The following PHACTR2 variants were observed in gnomAD, a reference collection of about 807,000 sequenced individuals.
The protein encoded by PHACTR2 is chromosome 6 open reading frame 56.
Under a neutral mutation model 76.0 loss-of-function variants are expected in PHACTR2, and 30 were observed. The observed-to-expected ratio is 0.39, with a 90% CI of 0.30 to 0.54. The LOEUF (loss-of-function observed/expected upper bound fraction) is 0.54, where lower values mean the gene tolerates loss of function less well. Among genes scored for constraint, PHACTR2 ranks in the 20% least tolerant of loss-of-function variants. PHACTR2 has a pLI of 0.61. For synonymous variants in PHACTR2, 292 were observed against 292.5 expected (o/e 1.00, Z 0.02); for missense variants, 696 against 781.1 (o/e 0.89, Z 1.30).
rs1777797007 is a variant in PHACTR2 at position 143,697,351 on chromosome 6, A to G, written c.47-14665A>G. 6.6e-6 allele frequency among the ~76,000 whole-genome samples: 1 copy of G among 152,254 alleles called. No homozygotes were observed. ...GGAGAAAGAAGGTTAAGACTGAAGA[A>G]AAATCTGAGATGAGAAAGAAGGAAA... On this transcript the variant is annotated intron_variant, in intron 1 of 12. Coordinates refer to ENST00000440869, the MANE Select transcript of PHACTR2 (RefSeq NM_001100164.2). The surrounding 1 kb of genome is among the most constrained non-coding windows in gnomAD (Gnocchi z 4.4).
chr6:143,736,601 G>T (rs947523818), intron 2 of PHACTR2, among the ~76,000 whole-genome samples: 1 of 94,924 alleles, frequency 1.1e-5, no homozygotes, highest in African/African-American at 4.2e-5. Context: ...TTGAGACGGA[G>T]CCTTGCTCTG....
chr6:143,614,393 T>G (rs957015058), intron 1 of PHACTR2, among the ~76,000 whole-genome samples: 1 of 152,212 alleles, frequency 6.6e-6, no homozygotes, highest in African/African-American at 2.4e-5. Context: ...AATGCACTGT[T>G]AAGATCCCTT....
Position 143,678,617 on chromosome 6 carries a change from G to A in PHACTR2, c.46+408G>A, listed in dbSNP as rs1777311307. Among the ~76,000 whole-genome samples the A allele has an allele frequency of 6.6e-6, 1 of 152,216 alleles. No homozygotes were observed. The highest frequency in any genetic ancestry group is 1.5e-5 in the Non-Finnish European group (1 of 68,038). ...ACAGACTAGGACTGAATGCTTTCAA[G>A]CTTGTCAACTGATTTATGGTTTGTT... On this transcript the variant is annotated intron_variant, in intron 1 of 12. Transcript: ENST00000440869. The surrounding 1 kb of genome is among the most constrained non-coding windows in gnomAD (Gnocchi z 6.2).
intron 1 of PHACTR2, among the ~76,000 whole-genome samples, chr6:143,638,017 CA>C (rs1432480995): frequency 9.2e-5 from 14 of 152,208 alleles, no homozygotes; most frequent in African/African-American, 3.4e-4. Flanking sequence ...ACAAAGCTTT[CA>C]TGTCAATTTC....
intron 1 of PHACTR2, among the ~76,000 whole-genome samples, chr6:143,707,219 A>T (rs1778075106): frequency 1.3e-5 from 2 of 152,272 alleles, no homozygotes; most frequent in African/African-American, 4.8e-5. Context: ...AAGGAAATAG[A>T]GTTTGATATC....
rs202069880 is a variant in PHACTR2, at chr6:143,760,448, C to G, written c.502C>G (p.Pro168Ala). Residue 168 changes from proline to alanine, a missense_variant, in exon 5 of 13, where the codon CCT becomes GCT. By Grantham distance (27) the Pro-to-Ala change is conservative. Coordinates refer to ENST00000440869, the MANE Select transcript of PHACTR2 (RefSeq NM_001100164.2). This position sits in a 1 kb window ranked among gnomAD's most constrained non-coding sequence, Gnocchi z 6.4. ...SETPAAPALP[P>A]SAPPKPRPKP... is the part of the protein sequence containing the mutation. ...AACACCGGCAGCTCCTGCTCTACCT[C>G]CTTCTGCTCCTCCTAAGCCTAGACC... The G allele has an allele frequency of 1.9e-4, 305 of 1,613,480 alleles. No individual in the cohort carries two copies. The highest frequency in any genetic ancestry group is 2.4e-4 in the Non-Finnish European group (286 of 1,179,596).
chr6:143,666,503 C>A (rs1329952509), intron 1 of PHACTR2, among the ~76,000 whole-genome samples: 2 of 152,134 alleles, frequency 1.3e-5, no homozygotes, highest in East Asian at 3.9e-4. Flanking sequence ...AACAGTGTAA[C>A]AGCATTCCCA....
upstream of PHACTR2, among the ~76,000 whole-genome samples, chr6:143,675,473 C>T (rs1362598875): frequency 1.3e-5 from 2 of 152,116 alleles, no homozygotes; most frequent in East Asian, 1.9e-4. The surrounding 1 kb of genome is among the most constrained non-coding windows in gnomAD (Gnocchi z 4.9). Flanking sequence ...TGGTTGAAGG[C>T]CTGTAGAATA....
At chr6:143,607,199 C>A (rs1166667999), upstream of PHACTR2, among the ~76,000 whole-genome samples, 16 of 152,134 alleles carry the variant, frequency 1.1e-4, 1 homozygote, top group Admixed American at 9.2e-4. Context: ...GTATAAAAGA[C>A]CTGGAGAGCC....
rs184770465 is a variant in PHACTR2, at chr6:143,801,017, A to G, written c.1846-6040A>G. 6.0e-4 allele frequency among the ~76,000 whole-genome samples: 91 copies of G among 152,296 alleles called. No individual in the cohort carries two copies. The highest frequency in any genetic ancestry group is 3.1e-4 in the Non-Finnish European group (21 of 68,034). On this transcript the variant is annotated intron_variant, in intron 11 of 12. Transcript: ENST00000440869. The surrounding 1 kb of genome is among the most constrained non-coding windows in gnomAD (Gnocchi z 4.6). ...ATTCTTTTCTTTAAGAATGTTGAATATTGACCCCCACTCTCTTCTGGCTGG... is the reference window on the plus strand; with the variant it reads ...ATTCTTTTCTTTAAGAATGTTGAATGTTGACCCCCACTCTCTTCTGGCTGG...
At chr6:143,813,345 T>G (rs1233178393) in intron 12 of PHACTR2, among the ~76,000 whole-genome samples, 2 of 152,016 alleles carry the variant, frequency 1.3e-5, no homozygotes, top group Non-Finnish European at 2.9e-5. Context: ...TGCAGCCGGG[T>G]GCGGTGGCTC....
chr6:143,705,264 G>A (rs538128695), intron 1 of PHACTR2, among the ~76,000 whole-genome samples: 3 of 149,926 alleles, frequency 2.0e-5, no homozygotes, highest in Non-Finnish European at 4.4e-5. Flanking sequence ...GATTACAAGC[G>A]CCTGCTACAA....
At chr6:143,682,320 C>T (rs185388923) in intron 1 of PHACTR2, among the ~76,000 whole-genome samples, 10 of 152,290 alleles carry the variant, frequency 6.6e-5, no homozygotes, top group South Asian at 2.1e-4. Flanking sequence ...TGGGCTCAAG[C>T]GATCCTCCAA....
In PHACTR2 at chr6:143,679,250, A is replaced by C. The variant is rs991595038; in HGVS notation, c.46+1041A>C. Among the ~76,000 whole-genome samples the C allele has an allele frequency of 2.0e-5, 3 of 152,160 alleles. No homozygotes were observed. The highest frequency in any genetic ancestry group is 4.4e-5 in the Non-Finnish European group (3 of 68,022). On this transcript the variant is annotated intron_variant, in intron 1 of 12. Transcript: ENST00000440869. This position sits in a 1 kb window ranked among gnomAD's most constrained non-coding sequence, Gnocchi z 4.6. ...TACCCAGTGGGTTTCTTTAGGTAGCACAGCTTCACTCCCTGAGATACCACA... is the reference window on the plus strand; with the variant it reads ...TACCCAGTGGGTTTCTTTAGGTAGCCCAGCTTCACTCCCTGAGATACCACA...
rs1390465350 is a variant in PHACTR2 at position 143,801,269 on chromosome 6, C to G, written c.1846-5788C>G. On this transcript the variant is annotated intron_variant, in intron 11 of 12. Transcript: ENST00000440869. This position sits in a 1 kb window ranked among gnomAD's most constrained non-coding sequence, Gnocchi z 4.6. ...CTCTTGCTAGGTTGGGGAAGTTCTC[C>G]TGGATAATATCCTGAAGAGTGTTTT... Among the ~76,000 whole-genome samples, 1 of 152,158 alleles carries G rather than the reference C, an allele frequency of 6.6e-6. No homozygotes were observed.
chr6:143,651,195 T>C (rs1562259542), intron 1 of PHACTR2, among the ~76,000 whole-genome samples: 1 of 151,986 alleles, frequency 6.6e-6, no homozygotes, highest in Non-Finnish European at 1.5e-5. Flanking sequence ...AAGCAACAGA[T>C]GCTGGCAATG....
At chr6:143,604,668 G>A (rs566473170), upstream of PHACTR2, among the ~76,000 whole-genome samples, 36 of 152,088 alleles carry the variant, frequency 2.4e-4, no homozygotes, top group South Asian at 6.2e-4. Context: ...GATCACCTGC[G>A]GTCAGGAGTT....
intron 2 of PHACTR2, among the ~76,000 whole-genome samples, chr6:143,729,730 G>C (rs1778659187): frequency 6.6e-6 from 1 of 152,130 alleles, no homozygotes; most frequent in African/African-American, 2.4e-5. Context: ...CAGTTTGAGA[G>C]TATTATATCT....
rs1375555737 is a variant in PHACTR2, at chr6:143,662,795, T to A, written c.14-49221T>A. On this transcript the variant is annotated intron_variant, in intron 1 of 11. Transcript: ENST00000305766. This position sits in a 1 kb window ranked among gnomAD's most constrained non-coding sequence, Gnocchi z 4.7. Reference sequence around the variant, plus strand: ...ACAGGGGGTATGTATGGAGGACTGTTATATGGGTGTATATTGCACCCAGAC... The same window carrying A: ...ACAGGGGGTATGTATGGAGGACTGTAATATGGGTGTATATTGCACCCAGAC... Among the ~76,000 whole-genome samples the A allele has an allele frequency of 6.6e-6, 1 of 152,136 alleles. No homozygotes were observed. Among genetic ancestry groups the A allele is most frequent in the Non-Finnish European group, 1.5e-5 (1 of 68,000 alleles).
Sources: gnomAD v4.1 joint callset for allele counts (sites outside exome capture counted in the v4.1 genomes callset) on GRCh38, gnomAD v4.1.1 for gene constraint, Gnocchi (gnomAD v3.1) non-coding constraint, MANE v1.5 for transcripts, NCBI Gene and HGNC (gene_info 2026-07-23, HGNC 2026-07-21) for gene names.